Variants in ERC1 observed in about 807,000 individuals in gnomAD.
ERC1 encodes RAB6 interacting protein 2.
A neutral mutation model predicts 132.0 loss-of-function variants in ERC1; 56 were observed. That is an observed-to-expected ratio of 0.42 (90% CI 0.34 to 0.53). ERC1 has a LOEUF of 0.53. Ranked by LOEUF, ERC1 falls within the 20% of genes least tolerant of loss-of-function variation. ERC1 has a pLI of 0.03. For missense variants in ERC1, 1,202 were observed against 1,349.9 expected, an observed-to-expected ratio of 0.89 and a Z score of 1.72; for synonymous variants, 478 against 476.1, an observed-to-expected ratio of 1.00 and a Z score of -0.05.
intron 12 of ERC1, among the ~76,000 whole-genome samples, chr12:1,216,353 A>T (rs1257763396): frequency 6.6e-6 from 1 of 151,968 alleles, no homozygotes; most frequent in Non-Finnish European, 1.5e-5. Flanking sequence ...TACTTAATAG[A>T]TCTGCTTTTA....
At position 1,323,668 on chromosome 12, in the gene ERC1, G is replaced by A. The variant is rs2082261905; in HGVS notation, c.2780+33656G>A. The stretch of plus-strand genomic sequence containing the variant: ...TGTTCTTTTAAGTTTTTTTCTCTGA[G>A]TATGGGTAGGTAAAGTATAGCAAAT... On this transcript the variant is annotated intron_variant, in intron 15 of 18. Coordinates refer to ENST00000360905, the MANE Select transcript of ERC1 (RefSeq NM_178040.4). Among the ~76,000 whole-genome samples, 4 of 152,160 alleles carry A rather than the reference G, an allele frequency of 2.6e-5. No homozygotes were observed. The South Asian group carries it at 6.2e-4, about 24-fold the overall frequency.
intron 11 of ERC1, among the ~76,000 whole-genome samples, chr12:1,189,149 G>A (rs1955447493): frequency 1.3e-5 from 2 of 152,160 alleles, no homozygotes; most frequent in Non-Finnish European, 2.9e-5. Flanking sequence ...ATGGCTGCAA[G>A]CAGTCCCCCT....
intron 17 of ERC1, among the ~76,000 whole-genome samples, chr12:1,417,473 A>G (rs1452688339): frequency 1.3e-5 from 2 of 149,930 alleles, no homozygotes; most frequent in African/African-American, 2.5e-5. Context: ...ACTTGAACCT[A>G]TGTCAAATCA....
chr12:1,171,853 C>G (rs1436360097), intron 8 of ERC1, among the ~76,000 whole-genome samples: 2 of 152,148 alleles, frequency 1.3e-5, no homozygotes, highest in East Asian at 3.9e-4. Context: ...ATCACCCAGA[C>G]TGAAACATGA....
chr12:1,329,263 C>A (rs1206089746), intron 15 of ERC1, among the ~76,000 whole-genome samples: 1 of 140,252 alleles, frequency 7.1e-6, no homozygotes, highest in African/African-American at 2.7e-5. Context: ...CACTGCACTT[C>A]AGCTTGGGCG....
At chr12:1,421,239 G>A (rs140556926) in intron 17 of ERC1, among the ~76,000 whole-genome samples, 3 of 152,208 alleles carry the variant, frequency 2.0e-5, no homozygotes, top group East Asian at 1.9e-4. Flanking sequence ...GCTTTTACTC[G>A]CTCAGCGGAT....
At chr12:1,127,312 TC>T (rs1209006381) in intron 7 of ERC1, among the ~76,000 whole-genome samples, 3 of 152,168 alleles carry the variant, frequency 2.0e-5, no homozygotes, top group Non-Finnish European at 4.4e-5. Flanking sequence ...TTCCTGCTGG[TC>T]CACAAAAGGA....
chr12:1,294,833 C>G (rs1271452048), intron 15 of ERC1, among the ~76,000 whole-genome samples: 1 of 151,940 alleles, frequency 6.6e-6, no homozygotes, highest in Non-Finnish European at 1.5e-5. Flanking sequence ...ATTTTCCTTT[C>G]AGGACCATCT....
chr12:1,220,668 C>T (rs1475956881), intron 12 of ERC1, among the ~76,000 whole-genome samples: 1 of 152,114 alleles, frequency 6.6e-6, no homozygotes, highest in Non-Finnish European at 1.5e-5. Context: ...TTTTGTAAAA[C>T]CTGCAAGCTA....
intron 1 of ERC1, among the ~76,000 whole-genome samples, chr12:999,883 C>G (rs1961849309): frequency 6.6e-6 from 1 of 152,194 alleles, no homozygotes; most frequent in Non-Finnish European, 1.5e-5. Context: ...GCGTGAGCCA[C>G]TGTGCCCAGC....
In ERC1 at chr12:1,261,096, C is replaced by T. The variant is rs576949869; in HGVS notation, c.2488-1938C>T. Among the ~76,000 whole-genome samples the T allele has an allele frequency of 1.5e-4, 23 of 152,280 alleles. No individual in the cohort carries two copies. In the South Asian group the frequency reaches 4.4e-3, roughly 29 times the overall value. On this transcript the variant is annotated intron_variant, in intron 13 of 18. Transcript: ENST00000360905. ...TGTGACAGATTACTAATCATTTTCT[C>T]CCTAAAAGTTTTTTATTGATACAGC...
chr12:1,439,953 TC>T (rs2093056319), intron 17 of ERC1, among the ~76,000 whole-genome samples: 2 of 152,200 alleles, frequency 1.3e-5, no homozygotes, highest in South Asian at 4.1e-4. Context: ...GTTCATGTGT[TC>T]CGAGAGGCTT....
intron 17 of ERC1, among the ~76,000 whole-genome samples, chr12:1,411,054 G>A (rs1186228793): frequency 2.0e-5 from 3 of 152,088 alleles, no homozygotes; most frequent in Admixed American, 2.0e-4. Flanking sequence ...GAGGAGCAAA[G>A]TAAAGGAAAA....
Position 1,056,303 on chromosome 12 carries a change from G to A in ERC1, c.670-26861G>A, listed in dbSNP as rs116074389. 3.2e-3 allele frequency among the ~76,000 whole-genome samples: 494 copies of A among 152,204 alleles called. 1 individual carries two copies. The highest frequency in any genetic ancestry group is 0.01 in the African/African-American group (434 of 41,526). On this transcript the variant is annotated intron_variant, in intron 2 of 18. Coordinates refer to ENST00000360905, the MANE Select transcript of ERC1 (RefSeq NM_178040.4). ...ATATGAATCCTTATGAAGAAGTGTCGTTGTCTGTCATTGATACCCAAGATT... is the reference window on the plus strand; with the variant it reads ...ATATGAATCCTTATGAAGAAGTGTCATTGTCTGTCATTGATACCCAAGATT...
chr12:1,328,634 C>T (rs994391633), intron 15 of ERC1, among the ~76,000 whole-genome samples: 1 of 138,228 alleles, frequency 7.2e-6, no homozygotes, highest in Non-Finnish European at 1.5e-5. Flanking sequence ...TTCGCTTCCC[C>T]CTCTTGCCTT....
At chr12:1,367,747 C>G (rs1341434083) in intron 15 of ERC1, among the ~76,000 whole-genome samples, 6 of 152,004 alleles carry the variant, frequency 3.9e-5, no homozygotes, top group African/African-American at 1.5e-4. Flanking sequence ...TTAGGGACAT[C>G]TTGATTCTAT....
In ERC1 at chr12:1,189,968, C is replaced by A. The variant is rs139362470; in HGVS notation, c.2267C>A (p.Ala756Glu). Residue 756 changes from alanine to glutamate, a missense_variant, in exon 12 of 19, where the codon GCA (alanine) becomes GAA (glutamate). Coordinates refer to ENST00000360905, the MANE Select transcript of ERC1 (RefSeq NM_178040.4). ...RYKDESSKAQ[A>E]EVDRLLEILK... ...AAAGATGAATCTAGCAAGGCCCAGG[C>A]AGAAGTTGATCGACTCTTAGAAATC... 530 of 1,613,854 alleles carry A rather than the reference C, an allele frequency of 3.3e-4. 1 individual carries two copies. In the African/African-American group the frequency reaches 6.3e-3, roughly 19 times the overall value.
chr12:1,285,880 A>G (rs1594776016), intron 14 of ERC1, among the ~76,000 whole-genome samples: 1 of 152,242 alleles, frequency 6.6e-6, no homozygotes, highest in Admixed American at 6.5e-5. Context: ...CTGAACATGT[A>G]GAAAAATTCC....
intron 15 of ERC1, among the ~76,000 whole-genome samples, chr12:1,359,616 A>C (rs1272318996): frequency 2.0e-5 from 3 of 152,208 alleles, no homozygotes; most frequent in Non-Finnish European, 4.4e-5. Context: ...TAATGGCATT[A>C]ATCCATTCAT....
Sources: gnomAD v4.1 joint callset for allele counts (sites outside exome capture counted in the v4.1 genomes callset) on GRCh38, gnomAD v4.1.1 for gene constraint, MANE v1.5 for transcripts, NCBI Gene and HGNC (gene_info 2026-07-23, HGNC 2026-07-21) for gene names.